PTCH1: variants seen among roughly 807,000 people sequenced by gnomAD.
PTCH1 encodes the protein patched 1.
PTCH1 carries 14 observed loss-of-function variants against 144.6 expected under a neutral mutation model. The observed-to-expected ratio is 0.10, with a 90% confidence interval of 0.06 to 0.15. The LOEUF (loss-of-function observed/expected upper bound fraction) is 0.15, where lower values mean the gene tolerates loss of function less well. Among genes scored for constraint, PTCH1 ranks in the 10% least tolerant of loss-of-function variants. The pLI is 1.00. For synonymous variants in PTCH1, 833 were observed against 793.6 expected (o/e 1.05, Z -0.83); for missense variants, 1,623 against 1,948.3 (o/e 0.83, Z 3.14).
chr9:95,459,594 A>C lies in PTCH1; in HGVS notation c.2887+6T>G, dbSNP rs1477998873. On this transcript the variant is annotated splice_donor_region_variant and intron_variant, in intron 17 of 23. Coordinates refer to ENST00000331920, the MANE Select transcript of PTCH1 (RefSeq NM_000264.5). The stretch of plus-strand genomic sequence containing the variant: ...TTCCCAGACCTCCCGATAAAACGCT[A>C]CTTACTTCTCAGCCTTGTTTCAGGC... 6 of 1,613,228 alleles carry C rather than the reference A, an allele frequency of 3.7e-6. No individual in the cohort carries two copies. Among genetic ancestry groups the C allele is most frequent in the Non-Finnish European group, 5.1e-6 (6 of 1,179,976 alleles).
In PTCH1 at chr9:95,447,150, G is replaced by C. The variant is rs762925808; in HGVS notation, c.4106C>G (p.Thr1369Ser). ...SSVPGYCQPI[T>S]TVTASASVTV... Reference sequence around the variant, plus strand: ...CACGGAGGCAGAAGCCGTCACAGTGGTGATGGGCTGGCAGTAGCCGGGCAC... The same window carrying C: ...CACGGAGGCAGAAGCCGTCACAGTGCTGATGGGCTGGCAGTAGCCGGGCAC... The change falls in exon 23 of 24, where the codon ACC becomes AGC. Residue 1369 changes from threonine (T) to serine (S), a missense_variant. Thr to Ser is a moderately conservative substitution (Grantham distance 58). This residue lies in a region of PTCH1 where 291 missense variants were observed against 287.4 expected (regional missense o/e 1.01). Transcript: ENST00000331920. The C allele has an allele frequency of 1.2e-6, 2 of 1,613,290 alleles. No homozygotes were observed. The highest frequency in any genetic ancestry group is 1.7e-6 in the Non-Finnish European group (2 of 1,179,942).
At chr9:95,456,104 T>C (rs1183736867) in intron 19 of PTCH1, among the ~76,000 whole-genome samples, 172 bp downstream of exon 19, 3 of 152,114 alleles carry the variant, frequency 2.0e-5, no homozygotes, top group African/African-American at 7.2e-5. Context: ...TTAGCCTCCC[T>C]TGAGGGAAAG....
Position 95,447,256 on chromosome 9 carries a change from T to G in PTCH1, c.4000A>C (p.Ser1334Arg). The G allele has an allele frequency of 6.2e-7, 1 of 1,612,906 alleles. No homozygotes were observed. The highest frequency in any genetic ancestry group is 8.5e-7 in the Non-Finnish European group (1 of 1,179,914). The change falls in exon 23 of 24, where the codon AGC (serine) becomes CGC (arginine). Residue 1334 changes from serine to arginine, a missense_variant. By Grantham distance (110) the Ser-to-Arg change is moderately radical (BLOSUM62 -1). Coordinates refer to ENST00000331920, the MANE Select transcript of PTCH1 (RefSeq NM_000264.5). ...CGAGGGCCCCAGCGGGCCCTATTGCTAGGGCCAGAATGCCCTTCAGTAGAA... is the reference window on the plus strand; with the variant it reads ...CGAGGGCCCCAGCGGGCCCTATTGCGAGGGCCAGAATGCCCTTCAGTAGAA... ...EISTEGHSGP[S>R]NRARWGPRGA... is the part of the protein sequence containing the mutation.
chr9:95,467,845 G>T (rs1840157654), intron 14 of PTCH1, among the ~76,000 whole-genome samples: 1 of 152,084 alleles, frequency 6.6e-6, no homozygotes, highest in South Asian at 2.1e-4. Flanking sequence ...GACCTCAGGT[G>T]ATCCACCCAC....
rs1405855774 is a variant in PTCH1 at position 95,508,956 on chromosome 9, T to C, written c.-595A>G. Among the ~76,000 whole-genome samples, 2 of 151,232 alleles carry C rather than the reference T, an allele frequency of 1.3e-5. No individual in the cohort carries two copies. Among genetic ancestry groups the C allele is most frequent in the Non-Finnish European group, 3.0e-5 (2 of 67,748 alleles). On this transcript the variant is annotated 5_prime_UTR_variant, in exon 1 of 24. Coordinates refer to ENST00000331920, the MANE Select transcript of PTCH1 (RefSeq NM_000264.5). Reference sequence around the variant, plus strand: ...CCCGGGCAGCCGCAGCTGCCGCTGCTCCCGCGGTGGCTGCTGCTGGCGGTG... The same window carrying C: ...CCCGGGCAGCCGCAGCTGCCGCTGCCCCCGCGGTGGCTGCTGCTGGCGGTG...
intron 2 of PTCH1, among the ~76,000 whole-genome samples, chr9:95,503,969 T>C (rs1423632073): frequency 1.1e-4 from 6 of 54,904 alleles, no homozygotes; most frequent in Middle Eastern, 0.011. Context: ...TGAGCCGAGA[T>C]TGCGCCACTG....
intron 2 of PTCH1, among the ~76,000 whole-genome samples, chr9:95,506,038 G>C (rs1439821968): frequency 1.4e-5 from 2 of 148,084 alleles, no homozygotes; most frequent in Non-Finnish European, 3.0e-5. Flanking sequence ...CGCGGAGCGG[G>C]GCCGGGAGAG....
Position 95,449,379 on chromosome 9 carries a change from ACTCAAAG to A in PTCH1, c.3550-63_3550-57del. 1 of 1,536,630 alleles carries A rather than the reference ACTCAAAG, an allele frequency of 6.5e-7. No individual in the cohort carries two copies. Among genetic ancestry groups the A allele is most frequent in the East Asian group, 2.4e-5 (1 of 40,946 alleles). On this transcript the variant is annotated intron_variant, in intron 21 of 23. Transcript: ENST00000331920. The surrounding 1 kb of genome is among the most constrained non-coding windows in gnomAD (Gnocchi z 5.3). ...TCTTGTCCATTTACCTGCTGGCCAC[ACTCAAAG>A]CTCAAAGCACGGTATTTTTCAGGGG...
intron 2 of PTCH1, chr9:95,494,419 C>A (rs1229287204): frequency 2.0e-6 from 2 of 985,520 alleles, no homozygotes; most frequent in Non-Finnish European, 2.4e-6. Flanking sequence ...ACTTGCCACA[C>A]TGGCAAATGA....
intron 8 of PTCH1, 51 bp from the exon 9 acceptor site, chr9:95,478,237 A>C: frequency 6.2e-7 from 1 of 1,612,756 alleles, no homozygotes; most frequent in African/African-American, 1.3e-5. Flanking sequence ...ACACTTCCAC[A>C]AGCCTCGACA....
rs761421461 is a variant in PTCH1 at position 95,449,907 on chromosome 9, G to T, written c.3483C>A (p.Ile1161=). The part of the protein sequence containing the change: ...YFFAVLAILT[I]LGVLNGLVLL... The stretch of plus-strand genomic sequence containing the variant: ...AAACCAGCCCATTGAGAACGCCGAG[G>T]ATGGTGAGGATCGCCAGCACAGCAA... Residue 1161 remains isoleucine (I), a synonymous_variant, in exon 21 of 24, where the codon ATC becomes ATA. Coordinates refer to ENST00000331920, the MANE Select transcript of PTCH1 (RefSeq NM_000264.5). This position sits in a 1 kb window ranked among gnomAD's most constrained non-coding sequence, Gnocchi z 5.3. 6.2e-7 allele frequency: 1 copy of T among 1,614,202 alleles called. No homozygotes were observed. Among genetic ancestry groups the T allele is most frequent in the South Asian group, 1.1e-5 (1 of 91,074 alleles).
intron 15 of PTCH1, among the ~76,000 whole-genome samples, 196 bp from the exon 16 acceptor site, chr9:95,462,194 C>T (rs1839546525): frequency 6.6e-6 from 1 of 152,166 alleles, no homozygotes; most frequent in Admixed American, 6.5e-5. Flanking sequence ...CTGCCAGCCA[C>T]TGCTCAAAAG....
At chr9:95,516,721 G>C in exon 1 of PTCH1, 1 of 1,612,946 alleles carries the variant, frequency 6.2e-7, no homozygotes, top group Non-Finnish European at 8.5e-7. Context: ...CAAAAGGAAC[G>C]GAAAGTGTAA....
chr9:95,516,751 C>T (rs2118958149), exon 1 of PTCH1: 1 of 1,613,398 alleles, frequency 6.2e-7, no homozygotes, highest in South Asian at 1.1e-5. Flanking sequence ...CGCGCTGGGC[C>T]GCCGGAGGCT....
intron 2 of PTCH1, among the ~76,000 whole-genome samples, chr9:95,501,965 C>T (rs1178311693): frequency 6.6e-6 from 1 of 152,182 alleles, no homozygotes; most frequent in East Asian, 1.9e-4. Context: ...CGTGAGCACA[C>T]TCGTGAGACA....
At chr9:95,459,907 G>T in intron 16 of PTCH1, 124 bp from the exon 17 acceptor site, 1 of 1,051,232 alleles carries the variant, frequency 9.5e-7, no homozygotes. Context: ...GCCTACTGTT[G>T]AAAGTGTCGA....
chr9:95,514,465 A>G (rs962083170), intron 1 of PTCH1: 16 of 152,344 alleles, frequency 1.1e-4, no homozygotes, highest in Admixed American at 9.1e-4. Context: ...GGAGCAACAA[A>G]TTTATCAGAA....
At chr9:95,491,097 C>T (rs1364790694) in intron 2 of PTCH1, among the ~76,000 whole-genome samples, 1 of 152,214 alleles carries the variant, frequency 6.6e-6, no homozygotes, top group East Asian at 1.9e-4. Context: ...AACAACCCCT[C>T]TGAACAAGAC....
At chr9:95,447,500 T>C (rs1838066298) in intron 22 of PTCH1, 49 bp from the exon 23 acceptor site, 2 of 1,493,980 alleles carry the variant, frequency 1.3e-6, no homozygotes, top group East Asian at 4.5e-5. Flanking sequence ...AGGCTGGGCA[T>C]GGTCCCCGCA....
Sources: allele counts gnomAD v4.1 joint callset (sites outside exome capture counted in the v4.1 genomes callset), GRCh38; gene constraint gnomAD v4.1.1; regional missense constraint gnomAD v4.1.1; non-coding constraint Gnocchi (gnomAD v3.1); transcripts MANE v1.5; gene names NCBI Gene and HGNC (gene_info 2026-07-23, HGNC 2026-07-21).